The following FAT4 variants were observed in gnomAD, a reference collection of about 807,000 sequenced individuals.
The protein encoded by FAT4 is FAT atypical cadherin 4.
Under a neutral mutation model 303.9 loss-of-function variants are expected in FAT4, and 84 were observed. The observed-to-expected ratio is 0.28, with a 90% CI of 0.23 to 0.33. The LOEUF (loss-of-function observed/expected upper bound fraction) is 0.33, where lower values mean the gene tolerates loss of function less well. FAT4 is among the 10% of genes least tolerant of loss of function. The pLI, the probability that FAT4 is intolerant of heterozygous loss-of-function variation, is 1.00. For synonymous variants in FAT4, 2,307 were observed against 2,298.8 expected, an observed-to-expected ratio of 1.00 and a Z score of -0.10; for missense variants, 6,005 against 6,146.8, an observed-to-expected ratio of 0.98 and a Z score of 0.77.
chr4:125,468,210 C>A (rs1726734083), intron 11 of FAT4, among the ~76,000 whole-genome samples: 1 of 151,968 alleles, frequency 6.6e-6, no homozygotes, highest in Admixed American at 6.6e-5. Context: ...GGAAAGAAAT[C>A]TCTTCAGACA....
Position 125,320,047 on chromosome 4 carries a change from A to G in FAT4, c.3636A>G (p.Lys1212=). The G allele has an allele frequency of 1.2e-6, 2 of 1,613,842 alleles. No individual in the cohort carries two copies. The highest frequency in any genetic ancestry group is 8.5e-7 in the Non-Finnish European group (1 of 1,180,026). Residue 1212 remains lysine, a synonymous_variant, in exon 2 of 18, where the codon AAA becomes AAG. Transcript: ENST00000394329. ...ATGATAATGCTCCCAAATTTTTAAAAGACTTTTACCAAGCTACAATATCAG... is the reference window on the plus strand; with the variant it reads ...ATGATAATGCTCCCAAATTTTTAAAGGACTTTTACCAAGCTACAATATCAG... ...DINDNAPKFL[K]DFYQATISES...
chr4:125,349,762 G>A (rs1192808461), intron 2 of FAT4, among the ~76,000 whole-genome samples: 7 of 151,502 alleles, frequency 4.6e-5, no homozygotes, highest in Admixed American at 4.0e-4. Context: ...CTAGATTCCC[G>A]TTATATAAAG....
intron 2 of FAT4, among the ~76,000 whole-genome samples, chr4:125,378,312 T>C (rs920055247): frequency 2.6e-5 from 4 of 152,114 alleles, no homozygotes; most frequent in African/African-American, 9.6e-5. Context: ...GTTTTGTTCA[T>C]TGCTATATAT....
intron 8 of FAT4, among the ~76,000 whole-genome samples, chr4:125,435,566 A>G (rs1335481122): frequency 6.6e-6 from 1 of 152,238 alleles, no homozygotes; most frequent in East Asian, 1.9e-4. Context: ...AAATTTTAAG[A>G]AACACATTCA....
intron 10 of FAT4, among the ~76,000 whole-genome samples, chr4:125,456,068 A>G (rs1726266889): frequency 6.6e-6 from 1 of 152,172 alleles, no homozygotes. Flanking sequence ...CCATTCAGAT[A>G]TCATCACAGT....
At chr4:125,432,405 A>G (rs1230131280) in intron 7 of FAT4, among the ~76,000 whole-genome samples, 1 of 152,250 alleles carries the variant, frequency 6.6e-6, no homozygotes, top group Non-Finnish European at 1.5e-5. Context: ...CAGTTTATGT[A>G]AACTTCTTAA....
intron 2 of FAT4, among the ~76,000 whole-genome samples, chr4:125,377,706 A>C (rs1012867135): frequency 6.6e-6 from 1 of 152,128 alleles, no homozygotes; most frequent in Admixed American, 6.6e-5. Flanking sequence ...CTGTTTCTAA[A>C]GTTAAAAGCT....
At chr4:125,416,819 G>T (rs1735094782) in intron 7 of FAT4, among the ~76,000 whole-genome samples, 197 bp downstream of exon 7, 1 of 152,008 alleles carries the variant, frequency 6.6e-6, no homozygotes. Context: ...GGTGGTGCGT[G>T]CCTGTAATCC....
At chr4:125,461,232 G>T (rs1726471647) in intron 10 of FAT4, among the ~76,000 whole-genome samples, 1 of 151,870 alleles carries the variant, frequency 6.6e-6, no homozygotes, top group Non-Finnish European at 1.5e-5. Flanking sequence ...GGTTAAATAA[G>T]AATTGATTCA....
intron 2 of FAT4, among the ~76,000 whole-genome samples, chr4:125,380,251 G>A (rs913669605): frequency 1.3e-5 from 2 of 152,122 alleles, no homozygotes; most frequent in African/African-American, 2.4e-5. Flanking sequence ...GATATAAATC[G>A]AAAGAGATAA....
intron 7 of FAT4, among the ~76,000 whole-genome samples, chr4:125,428,851 A>T (rs1300490660): frequency 6.6e-6 from 1 of 152,044 alleles, no homozygotes; most frequent in Non-Finnish European, 1.5e-5. Context: ...TGAGACCTTC[A>T]CTTTTAATTT....
chr4:125,387,098 T>A (rs986159986), intron 2 of FAT4, among the ~76,000 whole-genome samples: 1 of 152,154 alleles, frequency 6.6e-6, no homozygotes, highest in African/African-American at 2.4e-5. Flanking sequence ...AACGCTCACT[T>A]GCCCGCCCCT....
chr4:125,423,894 AG>A (rs1319271445), intron 7 of FAT4, among the ~76,000 whole-genome samples: 5 of 152,220 alleles, frequency 3.3e-5, no homozygotes, highest in African/African-American at 1.2e-4. Context: ...TTGGACTTTC[AG>A]GGGCCTGTAG....
At chr4:125,484,863 C>T (rs1428350556) in intron 16 of FAT4, among the ~76,000 whole-genome samples, 1 of 151,748 alleles carries the variant, frequency 6.6e-6, no homozygotes, top group African/African-American at 2.4e-5. Context: ...GGATGGGGGA[C>T]AGCCTGGGCA....
chr4:125,415,612 T>C lies in FAT4; in HGVS notation c.6649T>C (p.Leu2217=). The change falls in exon 6 of 18, where the codon TTG becomes CTG. Residue 2217 remains leucine (L), a synonymous_variant. Coordinates refer to ENST00000394329, the MANE Select transcript of FAT4 (RefSeq NM_001291303.3). ...VTGAITVAKP[L]DREKTPTYHL... is the part of the protein sequence containing the mutation. Reference sequence around the variant, plus strand: ...AGGTGCCATCACTGTCGCTAAACCTTTGGATAGAGAAAAGACCCCTACCTA... The same window carrying C: ...AGGTGCCATCACTGTCGCTAAACCTCTGGATAGAGAAAAGACCCCTACCTA... 6.2e-7 allele frequency: 1 copy of C among 1,614,036 alleles called. No individual in the cohort carries two copies. The highest frequency in any genetic ancestry group is 1.1e-5 in the South Asian group (1 of 91,078).
intron 2 of FAT4, among the ~76,000 whole-genome samples, chr4:125,383,991 G>C (rs1733638517): frequency 6.6e-6 from 1 of 152,126 alleles, no homozygotes; most frequent in Admixed American, 6.5e-5. Context: ...ACTATAAACT[G>C]TACTAATATG....
intron 2 of FAT4, among the ~76,000 whole-genome samples, chr4:125,345,777 C>G (rs1229627969): frequency 3.3e-5 from 5 of 151,938 alleles, no homozygotes; most frequent in Non-Finnish European, 4.4e-5. Context: ...ATCTAGTTGT[C>G]TATATTTTAA....
chr4:125,466,458 A>T (rs2126074038), intron 11 of FAT4, among the ~76,000 whole-genome samples: 1 of 151,834 alleles, frequency 6.6e-6, no homozygotes, highest in African/African-American at 2.4e-5. Flanking sequence ...TTTTTATTTC[A>T]TTTATATGCT....
intron 9 of FAT4, among the ~76,000 whole-genome samples, chr4:125,446,941 G>A (rs1277820881): frequency 6.6e-6 from 1 of 151,994 alleles, no homozygotes; most frequent in Non-Finnish European, 1.5e-5. Flanking sequence ...TGATATGGGA[G>A]ATAATAGGCA....
Sources: allele counts gnomAD v4.1 joint callset (sites outside exome capture counted in the v4.1 genomes callset), GRCh38; gene constraint gnomAD v4.1.1; transcripts MANE v1.5; gene names NCBI Gene and HGNC (gene_info 2026-07-23, HGNC 2026-07-21).